Variants in SGIP1 observed in about 807,000 individuals in gnomAD.
SGIP1 encodes the protein SH3GL interacting endocytic adaptor 1, also known as SH3-containing GRB2-like protein 3-interacting protein 1.
In SGIP1, 38 loss-of-function variants were observed where a neutral mutation model predicts 107.5. That is an observed-to-expected ratio of 0.35 (90% CI 0.27 to 0.46). The LOEUF is 0.46. Among genes scored for constraint, SGIP1 ranks in the 20% least tolerant of loss-of-function variants. The probability of loss-of-function intolerance (pLI) is 1.00; values close to 1 mark genes in which losing one functional copy is unlikely to be tolerated. For synonymous variants in SGIP1, 365 were observed against 366.1 expected (o/e 1.00, Z 0.03); for missense variants, 929 against 1,019.5 (o/e 0.91, Z 1.21).
chr1:66,662,097 T>G (rs970385347), intron 8 of SGIP1, among the ~76,000 whole-genome samples: 1 of 152,206 alleles, frequency 6.6e-6, no homozygotes, highest in African/African-American at 2.4e-5. Flanking sequence ...CCTACAATAG[T>G]GTGGCAAATT....
intron 7 of SGIP1, chr1:66,660,231 G>A (rs1243818900): frequency 1.8e-5 from 6 of 331,382 alleles, no homozygotes; most frequent in African/African-American, 1.4e-4. Context: ...GAAAGAAAGA[G>A]GGAGGGAGGG....
chr1:66,645,536 C>G (rs1283197698), intron 7 of SGIP1, among the ~76,000 whole-genome samples: 2 of 152,188 alleles, frequency 1.3e-5, no homozygotes, highest in East Asian at 3.8e-4. Context: ...TACTCTGTTT[C>G]TGCAAACCAA....
chr1:66,661,160 C>A (rs773499600), intron 8 of SGIP1, among the ~76,000 whole-genome samples: 1 of 152,122 alleles, frequency 6.6e-6, no homozygotes, highest in African/African-American at 2.4e-5. Context: ...TAGAGCAACA[C>A]GAGGAACAGA....
intron 21 of SGIP1, among the ~76,000 whole-genome samples, chr1:66,736,867 T>C (rs1274679791): frequency 6.6e-6 from 1 of 152,064 alleles, no homozygotes; most frequent in Non-Finnish European, 1.5e-5. Context: ...GAAAACCATT[T>C]AAAGTGAAAT....
chr1:66,558,480 T>C (rs184365004), intron 1 of SGIP1, among the ~76,000 whole-genome samples: 1 of 151,906 alleles, frequency 6.6e-6, no homozygotes, highest in Non-Finnish European at 1.5e-5. Context: ...TTATATTACA[T>C]AGTGTATAAT....
chr1:66,748,127 T>C lies in SGIP1; in HGVS notation c.*5032T>C, dbSNP rs1045975763. On this transcript the variant is annotated 3_prime_UTR_variant, in exon 25 of 25. Coordinates refer to ENST00000371037, the MANE Select transcript of SGIP1 (RefSeq NM_032291.4). ...TCTTAAGGTTTTATTGTATTTTCCCTGCTCCTTTAGGCTTTTTTTTCATGT... is the reference window on the plus strand; with the variant it reads ...TCTTAAGGTTTTATTGTATTTTCCCCGCTCCTTTAGGCTTTTTTTTCATGT... 27 of 152,008 alleles carry C rather than the reference T, an allele frequency of 1.8e-4. No individual in the cohort carries two copies. Among genetic ancestry groups the C allele is most frequent in the African/African-American group, 6.3e-4 (26 of 41,436 alleles). 9.4% of individuals were successfully genotyped at this position (152,008 alleles called of 1,614,324 possible).
intron 18 of SGIP1, among the ~76,000 whole-genome samples, chr1:66,710,776 C>G (rs1415162521): frequency 6.6e-6 from 1 of 152,070 alleles, no homozygotes; most frequent in Non-Finnish European, 1.5e-5. Context: ...AGCTTTTCAT[C>G]ACACCTAAAG....
chr1:66,674,289 A>G (rs961032622), intron 12 of SGIP1, among the ~76,000 whole-genome samples: 1 of 152,206 alleles, frequency 6.6e-6, no homozygotes, highest in African/African-American at 2.4e-5. Context: ...TAAATTAACC[A>G]TGTTTTTGGA....
At chr1:66,680,068 G>A (rs924328233) in intron 14 of SGIP1, among the ~76,000 whole-genome samples, 4 of 152,086 alleles carry the variant, frequency 2.6e-5, no homozygotes, top group East Asian at 1.9e-4. Context: ...CCCTCACTTC[G>A]TTGGATCTCG....
rs2068573553 is a variant in SGIP1, at chr1:66,613,801, G to C, written c.11-12046G>C. 3.3e-5 allele frequency among the ~76,000 whole-genome samples: 5 copies of C among 152,004 alleles called. 1 individual carries two copies. The South Asian group carries it at 1.0e-3, about 32-fold the overall frequency. On this transcript the variant is annotated intron_variant, in intron 1 of 24. Coordinates refer to ENST00000371037, the MANE Select transcript of SGIP1 (RefSeq NM_032291.4). ...TGACCTAATGGAAAGAGTGCTTCAG[G>C]CTTTTAGTAACTGGTCTCTGATTGC...
At chr1:66,662,990 A>G (rs1284176482) in intron 8 of SGIP1, among the ~76,000 whole-genome samples, 2 of 152,210 alleles carry the variant, frequency 1.3e-5, no homozygotes, top group African/African-American at 4.8e-5. Flanking sequence ...CAGATTCTGA[A>G]CAAATGAATA....
At chr1:66,599,869 G>A (rs988158556) in intron 1 of SGIP1, among the ~76,000 whole-genome samples, 1 of 152,154 alleles carries the variant, frequency 6.6e-6, no homozygotes, top group African/African-American at 2.4e-5. Flanking sequence ...GGACACTTGG[G>A]ATCTATTTTC....
chr1:66,619,081 T>C (rs2070235130), intron 1 of SGIP1, among the ~76,000 whole-genome samples: 1 of 152,144 alleles, frequency 6.6e-6, no homozygotes, highest in African/African-American at 2.4e-5. Flanking sequence ...GAGCGGTCAT[T>C]GCCAACTTAC....
At chr1:66,684,806 T>A (rs977941529) in intron 15 of SGIP1, among the ~76,000 whole-genome samples, 2 of 152,102 alleles carry the variant, frequency 1.3e-5, no homozygotes, top group Non-Finnish European at 2.9e-5. Context: ...TTTTTGAGAG[T>A]TTTGTTGTGA....
intron 1 of SGIP1, among the ~76,000 whole-genome samples, chr1:66,550,726 A>G (rs1354683613): frequency 1.3e-5 from 2 of 152,182 alleles, no homozygotes; most frequent in African/African-American, 4.8e-5. Context: ...CAATTTCATA[A>G]GATTGATACT....
intron 17 of SGIP1, 163 bp from the exon 18 acceptor site, chr1:66,695,271 A>AAAAAAAAAAAG: frequency 7.5e-7 from 1 of 1,325,976 alleles, no homozygotes; most frequent in Non-Finnish European, 9.9e-7. Context: ...AAAAAAAAAA[A>AAAAAAAAAAAG]GTGTAGATTG....
chr1:66,643,564 T>A lies in SGIP1; in HGVS notation c.304T>A (p.Tyr102Asn). The change falls in exon 7 of 25, where the codon TAT becomes AAT. Residue 102 changes from tyrosine (Y) to asparagine (N), a missense_variant. By Grantham distance (143) the Tyr-to-Asn change is moderately radical. Coordinates refer to ENST00000371037, the MANE Select transcript of SGIP1 (RefSeq NM_032291.4). ...TCTACCTACCAAAGGAAAGCACTTT[T>A]ATTCTTCAAGTGAATCGGAAGAAGA... ...EPGSTKGKHF[Y>N]SSSESEEEEE... The A allele has an allele frequency of 6.2e-7, 1 of 1,608,936 alleles. No individual in the cohort carries two copies.
intron 18 of SGIP1, among the ~76,000 whole-genome samples, chr1:66,719,006 T>A (rs996662413): frequency 1.3e-5 from 2 of 152,200 alleles, no homozygotes; most frequent in Non-Finnish European, 2.9e-5. Flanking sequence ...TTATGTTTTA[T>A]GAGAAACATT....
chr1:66,731,375 T>C (rs777624377), intron 20 of SGIP1, among the ~76,000 whole-genome samples: 2 of 152,230 alleles, frequency 1.3e-5, no homozygotes, highest in African/African-American at 4.8e-5. Flanking sequence ...TTTGTTGCAT[T>C]GCATTTTTAG....
Sources: allele counts gnomAD v4.1 joint callset (sites outside exome capture counted in the v4.1 genomes callset), GRCh38; gene constraint gnomAD v4.1.1; transcripts MANE v1.5; gene names NCBI Gene and HGNC (gene_info 2026-07-23, HGNC 2026-07-21).